The following DRC3 variants were observed in gnomAD, a reference collection of about 807,000 sequenced individuals.
DRC3 encodes the protein dynein regulatory complex subunit 3.
Under a neutral mutation model 57.6 loss-of-function variants are expected in DRC3, and 45 were observed. The observed-to-expected ratio is 0.78, with a 90% CI of 0.62 to 1.00. The LOEUF (loss-of-function observed/expected upper bound fraction) is 1.00, where lower values mean the gene tolerates loss of function less well. Among genes scored for constraint, DRC3 ranks in the 50% least tolerant of loss-of-function variants. The pLI, the probability that DRC3 is intolerant of heterozygous loss-of-function variation, is 0.00. For missense variants in DRC3, 655 were observed against 675.2 expected (o/e 0.97, Z 0.33); for synonymous variants, 257 against 272.3 (o/e 0.94, Z 0.55).
intron 3 of DRC3, among the ~76,000 whole-genome samples, chr17:17,979,899 C>T (rs2042574051): frequency 6.6e-6 from 1 of 152,212 alleles, no homozygotes; most frequent in South Asian, 2.1e-4. Context: ...CCACCCAGCC[C>T]TGGGAACCCA....
In DRC3 at chr17:18,016,720, C is replaced by A; in HGVS notation, c.*49C>A. 7.7e-7 allele frequency: 1 copy of A among 1,292,440 alleles called. No individual in the cohort carries two copies. The highest frequency in any genetic ancestry group is 1.1e-6 in the Non-Finnish European group (1 of 897,198). The allele number at this position is 1,292,440 out of a possible 1,614,324, so 80.1% of individuals were successfully genotyped here. On this transcript the variant is annotated 3_prime_UTR_variant, in exon 14 of 14. Transcript: ENST00000399187. ...CTTCAAAACATAGCACCAGCCCCAG[C>A]CAGGAGAAGGAAGTGCACACGCCTC...
intron 3 of DRC3, among the ~76,000 whole-genome samples, chr17:17,980,245 T>G (rs911513180): frequency 4.0e-5 from 6 of 148,776 alleles, no homozygotes; most frequent in Admixed American, 1.3e-4. Flanking sequence ...GACTGTATGT[T>G]TTTTTTTTGT....
Position 18,004,489 on chromosome 17 carries a change from C to T in DRC3, c.1126C>T (p.Leu376=), listed in dbSNP as rs1013984266. 4.3e-6 allele frequency: 7 copies of T among 1,610,328 alleles called. No homozygotes were observed. Among genetic ancestry groups the T allele is most frequent in the African/African-American group, 2.7e-5 (2 of 74,868 alleles). ...MTLEMQLVEQ[L]EETINMFERN... Reference sequence around the variant, plus strand: ...GCTGGAGATGCAGCTGGTGGAGCAGCTGGAGGTAAGGCTGGGCCCTGGGCA... The same window carrying T: ...GCTGGAGATGCAGCTGGTGGAGCAGTTGGAGGTAAGGCTGGGCCCTGGGCA... The change falls in exon 10 of 14, where the codon CTG becomes TTG. Residue 376 remains leucine, a synonymous_variant. Transcript: ENST00000399187.
chr17:17,988,341 C>T (rs374961137), intron 5 of DRC3: 1 of 527,274 alleles, frequency 1.9e-6, no homozygotes, highest in South Asian at 2.1e-5. Flanking sequence ...CGGTTCTTTC[C>T]CTGTGTCTTG....
chr17:17,980,447 G>A (rs1283878209), intron 3 of DRC3, among the ~76,000 whole-genome samples: 1 of 151,522 alleles, frequency 6.6e-6, no homozygotes, highest in Non-Finnish European at 1.5e-5. Context: ...GGCATATGCG[G>A]CCACGCCTGG....
In DRC3 at chr17:18,007,161, G is replaced by GCGGCCCCGGCGCGCCCGGGC; in HGVS notation, c.1326+15_1326+16insGGCCCCGGCGCGCCCGGGCC. 9.4e-7 allele frequency: 1 copy of GCGGCCCCGGCGCGCCCGGGC among 1,059,878 alleles called. No homozygotes were observed. 65.7% of individuals were successfully genotyped at this position (1,059,878 alleles called of 1,614,324 possible). ...GACCTGCGCGCGGTAGGCGGGGCGG[G>GCGGCCCCGGCGCGCCCGGGC]CTGCTCGGAGCCTGACAGATGTGGT... On this transcript the variant is annotated intron_variant, in intron 12 of 13. Transcript: ENST00000399187.
At chr17:17,988,266 T>A in intron 5 of DRC3, 168 bp downstream of exon 5, 1 of 715,976 alleles carries the variant, frequency 1.4e-6, no homozygotes, top group Non-Finnish European at 2.2e-6. Flanking sequence ...TGCTCATGTT[T>A]AAATACCATG....
intron 2 of DRC3, among the ~76,000 whole-genome samples, chr17:17,977,073 AC>A: frequency 6.6e-6 from 1 of 152,294 alleles, no homozygotes; most frequent in South Asian, 2.1e-4. Flanking sequence ...CTCCCTCTGC[AC>A]CAGGAGAAGC....
rs2043507591 is a variant in DRC3 at position 17,997,480 on chromosome 17, T to C, written c.845T>C (p.Ile282Thr). The change falls in exon 9 of 14, where the codon ATC becomes ACC. Residue 282 changes from isoleucine (I) to threonine (T), a missense_variant. Transcript: ENST00000399187. Reference sequence around the variant, plus strand: ...CTCACCTACAAGGACAAGTTTGTCATCATCTGCGTGAATATTTTTGAGTAT... The same window carrying C: ...CTCACCTACAAGGACAAGTTTGTCACCATCTGCGTGAATATTTTTGAGTAT... ...LLETYKDKFV[I>T]ICVNIFEYGL... The C allele has an allele frequency of 1.2e-6, 2 of 1,613,226 alleles. No homozygotes were observed. The highest frequency in any genetic ancestry group is 1.7e-6 in the Non-Finnish European group (2 of 1,179,694).
Position 17,977,763 on chromosome 17 carries a change from G to A in DRC3, c.160+5G>A. On this transcript the variant is annotated splice_donor_5th_base_variant and intron_variant, in intron 3 of 13. Coordinates refer to ENST00000399187, the MANE Select transcript of DRC3 (RefSeq NM_031294.4). Reference sequence around the variant, plus strand: ...CCCTGCAGCTGGACTTTCGGAGTATGTATCCAAGGTTCAGGGGTGGTGGCC... The same window carrying A: ...CCCTGCAGCTGGACTTTCGGAGTATATATCCAAGGTTCAGGGGTGGTGGCC... The A allele has an allele frequency of 6.3e-7, 1 of 1,591,842 alleles. No individual in the cohort carries two copies. Among genetic ancestry groups the A allele is most frequent in the Non-Finnish European group, 8.6e-7 (1 of 1,167,626 alleles).
At chr17:18,002,374 C>T (rs1204083688) in intron 9 of DRC3, among the ~76,000 whole-genome samples, 1 of 152,124 alleles carries the variant, frequency 6.6e-6, no homozygotes. Flanking sequence ...TAATACCAGG[C>T]ATCAACAAAA....
chr17:17,979,896 G>A (rs991812882), intron 3 of DRC3, among the ~76,000 whole-genome samples: 4 of 152,202 alleles, frequency 2.6e-5, no homozygotes, highest in African/African-American at 9.7e-5. Flanking sequence ...GTCCCACCCA[G>A]CCCTGGGAAC....
intron 3 of DRC3, among the ~76,000 whole-genome samples, chr17:17,978,706 T>G (rs3935505): frequency 0.41 from 62,009 of 152,016 alleles, 15,052 homozygotes; most frequent in East Asian, 0.87. Context: ...GACCACCCAA[T>G]CAGGGAGGGC....
intron 12 of DRC3, among the ~76,000 whole-genome samples, chr17:18,013,932 A>ATT (rs35745875): frequency 5.1e-5 from 7 of 135,944 alleles, no homozygotes; most frequent in Non-Finnish European, 7.8e-5. Context: ...TTTAATGCCA[A>ATT]TTTTTTTTTT....
At chr17:17,975,108 A>T (rs1300172322) in intron 2 of DRC3, among the ~76,000 whole-genome samples, 1 of 152,212 alleles carries the variant, frequency 6.6e-6, no homozygotes, top group Non-Finnish European at 1.5e-5. Context: ...GACTGAAAGC[A>T]AACTTGATCT....
intron 2 of DRC3, among the ~76,000 whole-genome samples, chr17:17,974,571 C>T (rs1192778196): frequency 1.3e-5 from 2 of 152,160 alleles, no homozygotes; most frequent in Admixed American, 6.5e-5. Flanking sequence ...TAGGTGCTTT[C>T]CAGGGATTCT....
chr17:17,987,844 G>C (rs2043033212), intron 4 of DRC3, 88 bp from the exon 5 acceptor site: 1 of 1,387,902 alleles, frequency 7.2e-7, no homozygotes, highest in Admixed American at 2.0e-5. Flanking sequence ...TGGCTCACAG[G>C]GCACTCAGTA....
rs537313149 is a variant in DRC3, at chr17:18,010,946, T to TTTTTTTTG, written c.1326+3802_1326+3803insTTTTGTTT. The stretch of plus-strand genomic sequence containing the variant: ...GCCTCTCTCAAGGATGAGGTTTTTT[T>TTTTTTTTG]TTTGTTTGTTTGTTTGTTTGTTTGT... On this transcript the variant is annotated intron_variant, in intron 12 of 13. Transcript: ENST00000399187. 1,672 of 242,988 alleles carry TTTTTTTTG rather than the reference T, an allele frequency of 6.9e-3. 9 individuals are homozygous for TTTTTTTTG. Among genetic ancestry groups the TTTTTTTTG allele is most frequent in the Non-Finnish European group, 0.011 (1,310 of 121,450 alleles). The allele number at this position is 242,988 out of a possible 1,614,324, so 15.1% of individuals were successfully genotyped here.
Position 17,992,837 on chromosome 17 carries a change from G to A in DRC3, c.517G>A (p.Asp173Asn), listed in dbSNP as rs368006381. 5.0e-6 allele frequency: 8 copies of A among 1,613,844 alleles called. No homozygotes were observed. The highest frequency in any genetic ancestry group is 4.2e-6 in the Non-Finnish European group (5 of 1,179,886). The change falls in exon 6 of 14, where the codon GAT becomes AAT. Residue 173 changes from aspartate (D) to asparagine (N), a missense_variant. Transcript: ENST00000399187. ...LSRNPISEAE[D>N]YKMFICAYLP... Reference sequence around the variant, plus strand: ...TAGGAACCCTATCTCTGAGGCAGAGGATTACAAGATGTTCATCTGTGCCTA... The same window carrying A: ...TAGGAACCCTATCTCTGAGGCAGAGAATTACAAGATGTTCATCTGTGCCTA...
Sources: allele counts gnomAD v4.1 joint callset (sites outside exome capture counted in the v4.1 genomes callset), GRCh38; gene constraint gnomAD v4.1.1; transcripts MANE v1.5; gene names NCBI Gene and HGNC (gene_info 2026-07-23, HGNC 2026-07-21).